MTSS1: variants seen among roughly 807,000 people sequenced by gnomAD.
The protein encoded by MTSS1 is protein MTSS 1.
Under a neutral mutation model 79.0 loss-of-function variants are expected in MTSS1, and 18 were observed. The ratio of observed to expected loss-of-function variants is 0.23; its 90% CI spans 0.16 to 0.34. The LOEUF (loss-of-function observed/expected upper bound fraction) is 0.34. Ranked by LOEUF, MTSS1 falls within the 10% of genes least tolerant of loss-of-function variation. The pLI is 1.00. For missense variants in MTSS1, 815 were observed against 986.2 expected (o/e 0.83, Z 2.33); for synonymous variants, 341 against 368.6 (o/e 0.93, Z 0.86).
chr8:124,721,864 T>C (rs933006858), intron 1 of MTSS1, among the ~76,000 whole-genome samples: 4 of 152,176 alleles, frequency 2.6e-5, no homozygotes, highest in Admixed American at 6.5e-5. Flanking sequence ...GGGAACCCAA[T>C]GGACCCTGCT....
chr8:124,697,983 T>C (rs1829116914), intron 3 of MTSS1: 1 of 152,230 alleles, frequency 6.6e-6, no homozygotes, highest in Admixed American at 6.5e-5. Context: ...TGCTCACTTT[T>C]CTATATTCCC....
intron 10 of MTSS1, 115 bp downstream of exon 10, chr8:124,562,667 C>T: frequency 9.9e-7 from 1 of 1,013,156 alleles, no homozygotes. Flanking sequence ...CCAGAGGTTT[C>T]TCAAGTCAGT....
rs548378539 is a variant in MTSS1 at position 124,589,724 on chromosome 8, G to A, written c.294-13C>T. The stretch of plus-strand genomic sequence containing the variant: ...ATCAATTAAAGCGCTTTTACCAAGC[G>A]GGGGGGAAAAAGGGAGAAATTAAAT... On this transcript the variant is annotated splice_polypyrimidine_tract_variant and intron_variant, in intron 4 of 13. Transcript: ENST00000518547. 3.9e-5 allele frequency: 61 copies of A among 1,551,032 alleles called. No individual in the cohort carries two copies. Among genetic ancestry groups the A allele is most frequent in the African/African-American group, 2.1e-4 (14 of 65,758 alleles).
intron 6 of MTSS1, among the ~76,000 whole-genome samples, chr8:124,581,724 G>A (rs560777952): frequency 6.6e-6 from 1 of 152,298 alleles, no homozygotes; most frequent in African/African-American, 2.4e-5. Flanking sequence ...AAAGAGCTGG[G>A]ATTACAGGCG....
rs142807694 is a variant in MTSS1 at position 124,707,937 on chromosome 8, G to T, written c.73-3746C>A. Among the ~76,000 whole-genome samples the T allele has an allele frequency of 2.0e-4, 30 of 152,364 alleles. No homozygotes were observed. In the East Asian group the frequency reaches 4.8e-3, roughly 24 times the overall value. On this transcript the variant is annotated intron_variant, in intron 1 of 13. Coordinates refer to ENST00000518547, the MANE Select transcript of MTSS1 (RefSeq NM_014751.6). ...CATCGAGAACATGCAGAACTGGCCA[G>T]TGGCCTGGGCAGGGAGCACTGGGTC...
At chr8:124,608,101 T>A in intron 3 of MTSS1, among the ~76,000 whole-genome samples, 1 of 151,960 alleles carries the variant, frequency 6.6e-6, no homozygotes, top group East Asian at 1.9e-4. Context: ...CTTCTGAGGT[T>A]AAACTAAACT....
intron 3 of MTSS1, among the ~76,000 whole-genome samples, chr8:124,633,784 A>C (rs1182123174): frequency 6.7e-6 from 1 of 149,970 alleles, no homozygotes; most frequent in African/African-American, 2.5e-5. Flanking sequence ...AAAAAAAAAA[A>C]CCAACAACAA....
chr8:124,556,905 A>C (rs1823947906), intron 11 of MTSS1, among the ~76,000 whole-genome samples: 1 of 152,230 alleles, frequency 6.6e-6, no homozygotes, highest in African/African-American at 2.4e-5. Context: ...CTCAGAAGGA[A>C]AGGAAGGCGC....
chr8:124,645,197 A>G (rs1818778313), intron 3 of MTSS1, among the ~76,000 whole-genome samples: 3 of 152,098 alleles, frequency 2.0e-5, no homozygotes, highest in African/African-American at 4.8e-5. Flanking sequence ...GAGAGACCCT[A>G]GTCTCTACAA....
intron 1 of MTSS1, among the ~76,000 whole-genome samples, chr8:124,721,367 T>C (rs1480117887): frequency 6.7e-6 from 1 of 149,600 alleles, no homozygotes; most frequent in Non-Finnish European, 1.5e-5. Context: ...TTTGTTGCTG[T>C]TTATTTTTAT....
At position 124,662,217 on chromosome 8, in the gene MTSS1, C is replaced by T. The variant is rs146344348; in HGVS notation, c.208+37309G>A. 2.5e-3 allele frequency among the ~76,000 whole-genome samples: 382 copies of T among 152,190 alleles called. 1 individual carries two copies. The highest frequency in any genetic ancestry group is 0.017 in the South Asian group (80 of 4,816). On this transcript the variant is annotated intron_variant, in intron 3 of 13. Coordinates refer to ENST00000518547, the MANE Select transcript of MTSS1 (RefSeq NM_014751.6). ...GCTATAATTCCGGGTGCCTACCTCA[C>T]ACCACTCAGGAAGACCATAATCCAA...
chr8:124,650,881 A>G (rs1819842320), intron 3 of MTSS1, among the ~76,000 whole-genome samples: 1 of 151,962 alleles, frequency 6.6e-6, no homozygotes, highest in Non-Finnish European at 1.5e-5. Context: ...TCAAATTTCA[A>G]CTCCTCCACC....
chr8:124,622,101 T>G (rs1813674595), intron 3 of MTSS1, among the ~76,000 whole-genome samples: 1 of 146,622 alleles, frequency 6.8e-6, no homozygotes, highest in Non-Finnish European at 1.5e-5. Flanking sequence ...AGAGAGAATA[T>G]GAATATATTT....
intron 3 of MTSS1, among the ~76,000 whole-genome samples, chr8:124,696,806 G>A (rs986650424): frequency 6.6e-6 from 1 of 150,754 alleles, no homozygotes. Flanking sequence ...AGCTGAGATT[G>A]TGCCACTGCA....
At chr8:124,562,674 C>T in intron 10 of MTSS1, 108 bp downstream of exon 10, 1 of 1,053,232 alleles carries the variant, frequency 9.5e-7, no homozygotes, top group Non-Finnish European at 1.4e-6. Flanking sequence ...TTTCTCAAGT[C>T]AGTGGGCAGG....
chr8:124,558,269 TTC>T (rs1824457030), intron 10 of MTSS1, among the ~76,000 whole-genome samples: 1 of 151,720 alleles, frequency 6.6e-6, no homozygotes, highest in Admixed American at 6.6e-5. Flanking sequence ...AATCTGTTCA[TTC>T]TAGGTTTCCA....
rs567817881 is a variant in MTSS1 at position 124,551,287 on chromosome 8, A to G, written c.*1705T>C. The G allele has an allele frequency of 2.6e-5, 4 of 152,804 alleles. No homozygotes were observed. The South Asian group carries it at 6.2e-4, about 24-fold the overall frequency. 9.5% of individuals were successfully genotyped at this position (152,804 alleles called of 1,614,324 possible). ...AAGATTGGTGGGCTAAACCACAGGC[A>G]CTACTGTTGTTTATATTCTGTAAAA... On this transcript the variant is annotated 3_prime_UTR_variant, in exon 14 of 14. Transcript: ENST00000518547.
At chr8:124,637,659 C>T (rs13282164) in intron 3 of MTSS1, among the ~76,000 whole-genome samples, 16,325 of 152,250 alleles carry the variant, frequency 0.11, 1,293 homozygotes, top group East Asian at 0.31. Context: ...CTCCTCCGTT[C>T]ACACCCTAGA....
chr8:124,593,605 T>G (rs961023132), intron 3 of MTSS1, among the ~76,000 whole-genome samples: 3 of 152,332 alleles, frequency 2.0e-5, no homozygotes, highest in Middle Eastern at 3.4e-3. Context: ...CGTTTAAGGT[T>G]GCAGGAAGAC....
Sources: allele counts gnomAD v4.1 joint callset (sites outside exome capture counted in the v4.1 genomes callset), GRCh38; gene constraint gnomAD v4.1.1; transcripts MANE v1.5; gene names NCBI Gene and HGNC (gene_info 2026-07-23, HGNC 2026-07-21).